Variants in MLLT1 observed in about 807,000 individuals in gnomAD.
The protein encoded by MLLT1 is protein ENL.
In MLLT1, 11 loss-of-function variants were observed where a neutral mutation model predicts 55.1. The observed-to-expected ratio is 0.20, with a 90% CI of 0.13 to 0.33. MLLT1 has a LOEUF of 0.33. Ranked by LOEUF, MLLT1 falls within the 10% of genes least tolerant of loss-of-function variation. The pLI, the probability that MLLT1 is intolerant of heterozygous loss-of-function variation, is 1.00. For missense variants in MLLT1, 536 were observed against 760.6 expected, an observed-to-expected ratio of 0.70 and a Z score of 3.47; for synonymous variants, 323 against 320.1, an observed-to-expected ratio of 1.01 and a Z score of -0.10.
At chr19:6,236,872 T>C (rs1184101912) in intron 3 of MLLT1, among the ~76,000 whole-genome samples, 1 of 152,306 alleles carries the variant, frequency 6.6e-6, no homozygotes, top group South Asian at 2.1e-4. Context: ...CCTTAGCGAC[T>C]CCAGCCGGAC....
chr19:6,214,609 T>C, intron 8 of MLLT1, among the ~76,000 whole-genome samples: 1 of 152,248 alleles, frequency 6.6e-6, no homozygotes, highest in Non-Finnish European at 1.5e-5. Flanking sequence ...GGGGCAGGTC[T>C]TTGACCTCTG....
At chr19:6,243,615 G>A (rs1236630312) in intron 3 of MLLT1, among the ~76,000 whole-genome samples, 6 of 152,030 alleles carry the variant, frequency 3.9e-5, no homozygotes, top group South Asian at 4.2e-4. Flanking sequence ...CACCCCCAGC[G>A]GATGAGCAGC....
chr19:6,225,813 G>A (rs547763354), intron 5 of MLLT1, among the ~76,000 whole-genome samples: 2 of 152,320 alleles, frequency 1.3e-5, no homozygotes, highest in East Asian at 1.9e-4. Context: ...TCCTTTCTAC[G>A]CAGGGTTTTA....
chr19:6,229,863 C>T lies in MLLT1; in HGVS notation c.420+707G>A, dbSNP rs1039441644. On this transcript the variant is annotated intron_variant, in intron 4 of 11. Transcript: ENST00000252674. This position sits in a 1 kb window ranked among gnomAD's most constrained non-coding sequence, Gnocchi z 5.2. ...TACATACACATGACACACCACACAC[C>T]GCACACGACACACAACACGCCACCC... 8.6e-5 allele frequency among the ~76,000 whole-genome samples: 13 copies of T among 151,810 alleles called. No homozygotes were observed. Among genetic ancestry groups the T allele is most frequent in the Admixed American group, 1.3e-4 (2 of 15,242 alleles).
chr19:6,277,171 T>C (rs2091432404), intron 1 of MLLT1, among the ~76,000 whole-genome samples: 1 of 152,204 alleles, frequency 6.6e-6, no homozygotes, highest in African/African-American at 2.4e-5. Context: ...AAAGATACCA[T>C]TCTCTCCTGT....
rs201499204 is a variant in MLLT1, at chr19:6,217,933, C to T, written c.1198+21G>A. The T allele has an allele frequency of 1.2e-5, 19 of 1,588,068 alleles. No individual in the cohort carries two copies. In the East Asian group the frequency reaches 1.8e-4, roughly 15 times the overall value. On this transcript the variant is annotated intron_variant, in intron 7 of 11. Transcript: ENST00000252674. ...CCCTCCCCGGCCCCATCCGTGCCCC[C>T]CAGCTGCTCTCCATACACACCTTGG...
chr19:6,267,796 C>T (rs575372117), intron 2 of MLLT1, among the ~76,000 whole-genome samples: 2 of 152,316 alleles, frequency 1.3e-5, no homozygotes, highest in Non-Finnish European at 2.9e-5. Flanking sequence ...AGCTTAACAA[C>T]GTCCATTGTA....
At position 6,210,945 on chromosome 19, in the gene MLLT1, CGG is replaced by C. The variant is rs1288155492; in HGVS notation, c.*2095_*2096del. On this transcript the variant is annotated 3_prime_UTR_variant, in exon 12 of 12. Transcript: ENST00000252674. The surrounding 1 kb of genome is among the most constrained non-coding windows in gnomAD (Gnocchi z 4.6). ...TAACTGAGAACTGGGTTGGTGCTTC[CGG>C]AGGCCTTGGAAACGGCAGGAAGGGC... 2.6e-5 allele frequency: 6 copies of C among 231,180 alleles called. No individual in the cohort carries two copies. Among genetic ancestry groups the C allele is most frequent in the Non-Finnish European group, 5.1e-5 (6 of 116,890 alleles). 14.3% of individuals were successfully genotyped at this position (231,180 alleles called of 1,614,324 possible).
At chr19:6,258,542 T>C (rs1418785733) in intron 3 of MLLT1, among the ~76,000 whole-genome samples, 1 of 152,256 alleles carries the variant, frequency 6.6e-6, no homozygotes, top group South Asian at 2.1e-4. Flanking sequence ...CAAATTCTTT[T>C]TCCTTGAGAG....
chr19:6,212,655 C>T lies in MLLT1; in HGVS notation c.*387G>A. ...CCATTCGGGAGGCTGGAGATGCCCC[C>T]CAGCCGTCGATCCGCTGCTCAGAAA... On this transcript the variant is annotated 3_prime_UTR_variant, in exon 12 of 12. Coordinates refer to ENST00000252674, the MANE Select transcript of MLLT1 (RefSeq NM_005934.4). The T allele has an allele frequency of 9.0e-7, 1 of 1,110,772 alleles. No individual in the cohort carries two copies. The highest frequency in any genetic ancestry group is 3.7e-5 in the South Asian group (1 of 27,284). 68.8% of individuals were successfully genotyped at this position (1,110,772 alleles called of 1,614,324 possible). A position where few individuals can be genotyped will look rare whatever the true frequency, so the allele number is the denominator to read the frequency against.
intron 6 of MLLT1, among the ~76,000 whole-genome samples, chr19:6,218,746 G>A (rs1270914612): frequency 6.6e-6 from 1 of 152,248 alleles, no homozygotes; most frequent in East Asian, 1.9e-4. Context: ...CGTGTATGGG[G>A]CAGAGGCGTA....
chr19:6,248,798 G>A (rs187355694), intron 3 of MLLT1, among the ~76,000 whole-genome samples: 15 of 152,336 alleles, frequency 9.8e-5, no homozygotes, highest in Admixed American at 9.2e-4. Context: ...TACTGTCTTG[G>A]TTTTGATCAC....
chr19:6,257,476 C>G (rs1480035387), intron 3 of MLLT1, among the ~76,000 whole-genome samples: 2 of 150,676 alleles, frequency 1.3e-5, no homozygotes, highest in Admixed American at 6.6e-5. Context: ...ACTTCTATAA[C>G]ACAACAACAA....
chr19:6,214,050 C>A lies in MLLT1; in HGVS notation c.1308-12G>T, dbSNP rs750327445. On this transcript the variant is annotated splice_polypyrimidine_tract_variant and intron_variant, in intron 8 of 11. Coordinates refer to ENST00000252674, the MANE Select transcript of MLLT1 (RefSeq NM_005934.4). ...CGCTGAAGCTCAACCTGAACCGACA[C>A]ACGGGGGCGCATCAGGCCCCTGCCG... 4.2e-6 allele frequency: 6 copies of A among 1,412,872 alleles called. No homozygotes were observed. In the East Asian group the frequency reaches 7.8e-5, roughly 18 times the overall value. The allele number at this position is 1,412,872 out of a possible 1,614,324, so 87.5% of individuals were successfully genotyped here. A position where few individuals can be genotyped will look rare whatever the true frequency, so the allele number is the denominator to read the frequency against.
At chr19:6,237,021 C>T (rs1173259547) in intron 3 of MLLT1, among the ~76,000 whole-genome samples, 1 of 152,262 alleles carries the variant, frequency 6.6e-6, no homozygotes, top group Non-Finnish European at 1.5e-5. Flanking sequence ...AAGATGCAGA[C>T]GAACTGGCCA....
At position 6,257,983 on chromosome 19, in the gene MLLT1, A is replaced by T. The variant is rs139679461; in HGVS notation, c.276+4245T>A. 4.6e-5 allele frequency among the ~76,000 whole-genome samples: 7 copies of T among 152,328 alleles called. No homozygotes were observed. In the East Asian group the frequency reaches 1.3e-3, roughly 29 times the overall value. Reference sequence around the variant, plus strand: ...GATGGCTATAATTTTTAAGAAACAGAAAACAAGCATTGCTGAGGATCTGGA... The same window carrying T: ...GATGGCTATAATTTTTAAGAAACAGTAAACAAGCATTGCTGAGGATCTGGA... On this transcript the variant is annotated intron_variant, in intron 3 of 11. Coordinates refer to ENST00000252674, the MANE Select transcript of MLLT1 (RefSeq NM_005934.4).
At chr19:6,220,773 C>G (rs1385383757) in intron 6 of MLLT1, among the ~76,000 whole-genome samples, 1 of 152,192 alleles carries the variant, frequency 6.6e-6, no homozygotes, top group African/African-American at 2.4e-5. Context: ...AGCGCCTGCC[C>G]AGGGCTGTGG....
rs1407608061 is a variant in MLLT1, at chr19:6,262,474, T to A, written c.194-164A>T. Among the ~76,000 whole-genome samples, 1 of 151,768 alleles carries A rather than the reference T, an allele frequency of 6.6e-6. No individual in the cohort carries two copies. The highest frequency in any genetic ancestry group is 1.5e-5 in the Non-Finnish European group (1 of 67,922). On this transcript the variant is annotated intron_variant, in intron 2 of 11. Coordinates refer to ENST00000252674, the MANE Select transcript of MLLT1 (RefSeq NM_005934.4). This position sits in a 1 kb window ranked among gnomAD's most constrained non-coding sequence, Gnocchi z 4.4. ...GGTTAAGCCCCCGACAGGATTGACTTCCACGGCAAAGTTATCTTAGGAATA... is the reference window on the plus strand; with the variant it reads ...GGTTAAGCCCCCGACAGGATTGACTACCACGGCAAAGTTATCTTAGGAATA...
intron 3 of MLLT1, among the ~76,000 whole-genome samples, chr19:6,245,469 G>T (rs2091159501): frequency 6.6e-6 from 1 of 151,858 alleles, no homozygotes; most frequent in Non-Finnish European, 1.5e-5. Flanking sequence ...TCAGCACTTT[G>T]GGAGGCCGAG....
Sources: gnomAD v4.1 joint callset for allele counts (sites outside exome capture counted in the v4.1 genomes callset) on GRCh38, gnomAD v4.1.1 for gene constraint, Gnocchi (gnomAD v3.1) non-coding constraint, MANE v1.5 for transcripts, NCBI Gene and HGNC (gene_info 2026-07-23, HGNC 2026-07-21) for gene names.